The following CLDN14 variants were observed in gnomAD, a reference collection of about 807,000 sequenced individuals.
CLDN14 encodes claudin-14.
CLDN14 carries 2 observed loss-of-function variants against 2.1 expected under a neutral mutation model. The observed-to-expected ratio is 0.96, with a 90% CI of 0.39 to 3.01. CLDN14 has a LOEUF of 3.01. CLDN14 is among the 30% of genes most tolerant of loss of function. The probability of loss-of-function intolerance (pLI) is 0.09; values close to 1 mark genes in which losing one functional copy is unlikely to be tolerated. For synonymous variants in CLDN14, 136 were observed against 154.4 expected (o/e 0.88, Z 0.88); for missense variants, 298 against 328.0 (o/e 0.91, Z 0.71).
intron 2 of CLDN14, among the ~76,000 whole-genome samples, chr21:36,493,106 T>C (rs770193282): frequency 2.0e-5 from 3 of 152,188 alleles, no homozygotes; most frequent in Non-Finnish European, 2.9e-5. Flanking sequence ...GCACGTGTTT[T>C]GTTTACCGGT....
At chr21:36,497,850 G>A (rs2146472833) in intron 2 of CLDN14, among the ~76,000 whole-genome samples, 1 of 152,274 alleles carries the variant, frequency 6.6e-6, no homozygotes, top group South Asian at 2.1e-4. Flanking sequence ...GGGGGGCTGG[G>A]TGGGGGCACC....
chr21:36,540,546 C>A (rs2087480309), intron 1 of CLDN14, among the ~76,000 whole-genome samples: 1 of 152,112 alleles, frequency 6.6e-6, no homozygotes, highest in Admixed American at 6.5e-5. Context: ...ATATTGAACG[C>A]TGGGCAGCAT....
chr21:36,516,853 C>CT (rs906449692), intron 1 of CLDN14, among the ~76,000 whole-genome samples: 3 of 151,988 alleles, frequency 2.0e-5, no homozygotes, highest in Non-Finnish European at 4.4e-5. Context: ...TTTATTTTGC[C>CT]TTTTTGAGAT....
At chr21:36,482,743 G>T (rs2086861203), upstream of CLDN14, among the ~76,000 whole-genome samples, 1 of 152,120 alleles carries the variant, frequency 6.6e-6, no homozygotes, top group African/African-American at 2.4e-5. Context: ...GGTAAAACTT[G>T]ACCTTGCTCT....
At chr21:36,503,983 A>G (rs2087110287) in intron 2 of CLDN14, among the ~76,000 whole-genome samples, 1 of 148,224 alleles carries the variant, frequency 6.7e-6, no homozygotes, top group South Asian at 2.2e-4. Flanking sequence ...AGTATCACTG[A>G]TAAAGAAAAT....
intron 1 of CLDN14, among the ~76,000 whole-genome samples, chr21:36,555,796 T>G (rs1052231817): frequency 1.4e-5 from 2 of 144,056 alleles, no homozygotes; most frequent in African/African-American, 5.1e-5. Context: ...CTCCCGATTT[T>G]CTATAGGTCA....
At chr21:36,532,608 T>TA (rs956877069) in intron 1 of CLDN14, among the ~76,000 whole-genome samples, 15 of 150,442 alleles carry the variant, frequency 1.0e-4, no homozygotes, top group African/African-American at 2.9e-4. Context: ...ATAATAAAAT[T>TA]AAAAAAAAAG....
At chr21:36,517,107 T>A (rs2087234426) in intron 1 of CLDN14, among the ~76,000 whole-genome samples, 1 of 152,224 alleles carries the variant, frequency 6.6e-6, no homozygotes, top group African/African-American at 2.4e-5. Flanking sequence ...CCCAAAGTTC[T>A]GGGATTACAG....
intron 1 of CLDN14, among the ~76,000 whole-genome samples, chr21:36,563,354 G>T (rs904361518): frequency 2.0e-5 from 3 of 151,932 alleles, no homozygotes; most frequent in Non-Finnish European, 4.4e-5. Flanking sequence ...AACTGGATAT[G>T]TTGGCCTGGT....
chr21:36,462,201 G>A (rs762042544), intron 1 of CLDN14, among the ~76,000 whole-genome samples: 15 of 152,202 alleles, frequency 9.9e-5, no homozygotes, highest in Non-Finnish European at 1.9e-4. Context: ...GCGGTTGTCA[G>A]GATGAGGGGT....
chr21:36,573,642 TTAAA>T (rs1489813445), intron 1 of CLDN14, among the ~76,000 whole-genome samples: 1 of 152,202 alleles, frequency 6.6e-6, no homozygotes, highest in African/African-American at 2.4e-5. Context: ...CTAATTAGTC[TTAAA>T]TTATTTATTT....
chr21:36,480,572 T>C (rs2086834023), upstream of CLDN14: 1 of 152,108 alleles, frequency 6.6e-6, no homozygotes, highest in South Asian at 2.1e-4. Context: ...ATGAAATCTC[T>C]TGGTGGGAAT....
At chr21:36,489,131 A>AAAAATATATATATATAT in intron 2 of CLDN14, among the ~76,000 whole-genome samples, 24 of 62,734 alleles carry the variant, frequency 3.8e-4, no homozygotes, top group African/African-American at 1.4e-3. Context: ...AAAAAAAAAA[A>AAAAATATATATATATAT]ATATATATAT....
chr21:36,567,836 T>C (rs1476503911), intron 1 of CLDN14, among the ~76,000 whole-genome samples: 1 of 150,088 alleles, frequency 6.7e-6, no homozygotes, highest in Non-Finnish European at 1.5e-5. Flanking sequence ...TAAGCCAAAG[T>C]CATTCATTTT....
chr21:36,562,684 T>A lies in CLDN14; in HGVS notation c.-220+13727A>T, dbSNP rs905507291. ...TCTTTAAAATATTCAAAGGATCCCC[T>A]ATCCATTCTGTGCTTTTTTTTTTTT... is the stretch of plus-strand genomic sequence containing the variant. On this transcript the variant is annotated intron_variant, in intron 1 of 2. Coordinates refer to the CLDN14 transcript ENST00000342108. 3.3e-5 allele frequency among the ~76,000 whole-genome samples: 4 copies of A among 122,576 alleles called. No homozygotes were observed. In the East Asian group the frequency reaches 6.9e-4, roughly 21 times the overall value. The allele number at this position is 122,576 out of a possible 152,430, so 80.4% of individuals were successfully genotyped here. A position where few individuals can be genotyped will look rare whatever the true frequency, so the allele number is the denominator to read the frequency against.
chr21:36,514,389 G>T, intron 1 of CLDN14, among the ~76,000 whole-genome samples: 1 of 152,168 alleles, frequency 6.6e-6, no homozygotes, highest in East Asian at 1.9e-4. Flanking sequence ...CCCCATGGCC[G>T]TGCTGTGGTG....
intron 1 of CLDN14, among the ~76,000 whole-genome samples, chr21:36,564,191 T>C (rs759913362): frequency 1.3e-5 from 2 of 152,232 alleles, no homozygotes; most frequent in East Asian, 1.9e-4. Context: ...TGCAGTGTTA[T>C]ATAAATTTTC....
intron 1 of CLDN14, chr21:36,526,634 G>A (rs958794576): frequency 2.0e-5 from 3 of 152,154 alleles, no homozygotes; most frequent in African/African-American, 7.2e-5. Context: ...AACAGATGAA[G>A]GACTTCAGCA....
upstream of CLDN14, among the ~76,000 whole-genome samples, chr21:36,484,375 G>T (rs1418549556): frequency 1.3e-5 from 2 of 152,116 alleles, no homozygotes; most frequent in Admixed American, 6.5e-5. Context: ...AACTTGGCCA[G>T]AGCATTGGTG....
Sources: gnomAD v4.1 joint callset for allele counts (sites outside exome capture counted in the v4.1 genomes callset) on GRCh38, gnomAD v4.1.1 for gene constraint, MANE v1.5 for transcripts, NCBI Gene and HGNC (gene_info 2026-07-23, HGNC 2026-07-21) for gene names.